The following ADAP1 variants were observed in gnomAD, a reference collection of about 807,000 sequenced individuals.
ADAP1 encodes arf-GAP with dual PH domain-containing protein 1.
Under a neutral mutation model 54.9 loss-of-function variants are expected in ADAP1, and 31 were observed. That is an observed-to-expected ratio of 0.56 (90% CI 0.42 to 0.76). The LOEUF is 0.76. ADAP1 is among the 30% of genes least tolerant of loss of function. ADAP1 has a pLI of 0.00. For missense variants in ADAP1, 535 were observed against 512.4 expected (o/e 1.04, Z -0.42); for synonymous variants, 313 against 202.6 (o/e 1.55, Z -4.63).
chr7:899,253 G>C lies in ADAP1; in HGVS notation c.876C>G (p.Phe292Leu). The change falls in exon 10 of 11, where the codon TTC becomes TTG. Residue 292 changes from phenylalanine (F) to leucine (L), a missense_variant. By Grantham distance (22) the Phe-to-Leu change is conservative. Transcript: ENST00000265846. ...TGCCAATGAAGACTTCCCCTCGGGC[G>C]AAGGCGTCCTGTGGGTGGGGACCGC... Reference protein sequence around the residue: ...LMYFKDPLDAFARGEVFIGSK... With the variant: ...LMYFKDPLDALARGEVFIGSK... 1 of 1,612,730 alleles carries C rather than the reference G, an allele frequency of 6.2e-7. No homozygotes were observed. The highest frequency in any genetic ancestry group is 8.5e-7 in the Non-Finnish European group (1 of 1,179,936).
Position 945,457 on chromosome 7 carries a change from G to A in ADAP1, c.82+8939C>T, listed in dbSNP as rs1195334517. Among the ~76,000 whole-genome samples, 1 of 152,230 alleles carries A rather than the reference G, an allele frequency of 6.6e-6. No individual in the cohort carries two copies. Among genetic ancestry groups the A allele is most frequent in the Non-Finnish European group, 1.5e-5 (1 of 68,046 alleles). ...CCTGCTTCTGCCCAGGACCACTTCT[G>A]GGTTCCCAGGACTGTGGAATTTTGT... is the stretch of plus-strand genomic sequence containing the variant. On this transcript the variant is annotated intron_variant, in intron 1 of 10. Transcript: ENST00000265846. The surrounding 1 kb of genome is among the most constrained non-coding windows in gnomAD (Gnocchi z 4.2).
chr7:903,359 G>A (rs1363236703), intron 6 of ADAP1, among the ~76,000 whole-genome samples: 4 of 152,130 alleles, frequency 2.6e-5, no homozygotes. Context: ...GTTGTCAGAT[G>A]GTGCCTAAAG....
chr7:914,083 GAAC>G (rs751875033), intron 4 of ADAP1, among the ~76,000 whole-genome samples: 43 of 152,350 alleles, frequency 2.8e-4, no homozygotes, highest in Non-Finnish European at 4.9e-4. Context: ...CGCCCTGTGA[GAAC>G]AACCCGGCCA....
Position 912,348 on chromosome 7 carries a change from C to T in ADAP1, c.389-7176G>A, listed in dbSNP as rs549850348. Reference sequence around the variant, plus strand: ...TGCGGCCCGAGGCGGGGCCAGCCCGCGGTGGGAGCAGCTGTCACCAGGGTC... The same window carrying T: ...TGCGGCCCGAGGCGGGGCCAGCCCGTGGTGGGAGCAGCTGTCACCAGGGTC... On this transcript the variant is annotated intron_variant, in intron 4 of 10. Transcript: ENST00000265846. 2.6e-5 allele frequency among the ~76,000 whole-genome samples: 4 copies of T among 152,310 alleles called. No individual in the cohort carries two copies. The East Asian group carries it at 5.8e-4, about 22-fold the overall frequency.
At chr7:909,807 G>T (rs1213012341) in intron 4 of ADAP1, among the ~76,000 whole-genome samples, 1 of 152,130 alleles carries the variant, frequency 6.6e-6, no homozygotes, top group African/African-American at 2.4e-5. Context: ...ACCGCGTGCC[G>T]CGCCCTGCTG....
chr7:946,420 AG>A lies in ADAP1; in HGVS notation c.82+7975del, dbSNP rs1289608680. Among the ~76,000 whole-genome samples the A allele has an allele frequency of 1.3e-5, 2 of 151,796 alleles. No homozygotes were observed. Among genetic ancestry groups the A allele is most frequent in the East Asian group, 3.9e-4 (2 of 5,130 alleles). ...GATGGGGCCCTTTGGCCCTAGGAAC[AG>A]GCCCTCCCAGGACCCAGATCCGCTG... On this transcript the variant is annotated intron_variant, in intron 1 of 10. Coordinates refer to ENST00000265846, the MANE Select transcript of ADAP1 (RefSeq NM_006869.4). The surrounding 1 kb of genome is among the most constrained non-coding windows in gnomAD (Gnocchi z 4.3).
chr7:903,080 C>CA (rs540985899), intron 6 of ADAP1, among the ~76,000 whole-genome samples: 222 of 152,272 alleles, frequency 1.5e-3, no homozygotes, highest in Middle Eastern at 0.014. Flanking sequence ...GCGAGATCTC[C>CA]AGGCCGTGGG....
chr7:907,464 C>T (rs555478094), intron 4 of ADAP1, among the ~76,000 whole-genome samples: 2 of 152,156 alleles, frequency 1.3e-5, no homozygotes, highest in African/African-American at 4.8e-5. Flanking sequence ...CCCGTGGGAT[C>T]GTCCTGGAGC....
chr7:936,638 C>T (rs1325051137), intron 1 of ADAP1, among the ~76,000 whole-genome samples: 1 of 152,244 alleles, frequency 6.6e-6, no homozygotes, highest in Non-Finnish European at 1.5e-5. Flanking sequence ...TGGCTCCCAA[C>T]GACCCTTCAC....
chr7:899,011 G>A lies in ADAP1; in HGVS notation c.1096+22C>T, dbSNP rs200451893. The A allele has an allele frequency of 5.6e-5, 90 of 1,609,334 alleles. No individual in the cohort carries two copies. In the African/African-American group the frequency reaches 7.9e-4, roughly 14 times the overall value. ...GGGGAGCTGGGAGCCCTTCCAGGCC[G>A]CCGGCCGCCCGCCCCCCTCACCTGC... On this transcript the variant is annotated intron_variant, in intron 10 of 10. Coordinates refer to ENST00000265846, the MANE Select transcript of ADAP1 (RefSeq NM_006869.4).
rs755814997 is a variant in ADAP1, at chr7:899,151, G to A, written c.978C>T (p.Thr326=). 18 of 1,611,268 alleles carry A rather than the reference G, an allele frequency of 1.1e-5. No homozygotes were observed. The East Asian group carries it at 3.1e-4, about 28-fold the overall frequency. ...TQGHHWPHGI[T]IVTPDRKFLF... ...GAAACTTGCGGTCGGGCGTGACGAT[G>A]GTGATGCCATGTGGCCAGTGGTGGC... The change falls in exon 10 of 11, where the codon ACC becomes ACT. Residue 326 remains threonine (T), a synonymous_variant. Coordinates refer to ENST00000265846, the MANE Select transcript of ADAP1 (RefSeq NM_006869.4).
intron 4 of ADAP1, among the ~76,000 whole-genome samples, chr7:911,190 C>G (rs1374875952): frequency 1.3e-5 from 2 of 152,158 alleles, no homozygotes; most frequent in Non-Finnish European, 2.9e-5. Flanking sequence ...CTTCCCTGTT[C>G]CCAGGGGTGA....
chr7:900,616 C>G lies in ADAP1; in HGVS notation c.649G>C (p.Glu217Gln). 1 of 1,491,918 alleles carries G rather than the reference C, an allele frequency of 6.7e-7. No individual in the cohort carries two copies. The highest frequency in any genetic ancestry group is 9.0e-7 in the Non-Finnish European group (1 of 1,108,450). The allele number at this position is 1,491,918 out of a possible 1,614,324, so 92.4% of individuals were successfully genotyped here. A position where few individuals can be genotyped will look rare whatever the true frequency, so the allele number is the denominator to read the frequency against. The change falls in exon 7 of 11, where the codon GAG (glutamate) becomes CAG (glutamine). Residue 217 changes from glutamate (E) to glutamine (Q), a missense_variant and splice_region_variant. Glu to Gln is a conservative substitution (Grantham distance 29). Transcript: ENST00000265846. ...AGTGCATTGAACCAGTCCACAATCTCCTAGGGGCAAAGGTGGGCACAGGCT... is the reference window on the plus strand; with the variant it reads ...AGTGCATTGAACCAGTCCACAATCTGCTAGGGGCAAAGGTGGGCACAGGCT... Reference protein sequence around the residue: ...NIFIYHEDGKEIVDWFNALRA... With the variant: ...NIFIYHEDGKQIVDWFNALRA...
intron 2 of ADAP1, chr7:927,229 G>A (rs931800624): frequency 7.9e-6 from 10 of 1,268,762 alleles, no homozygotes; most frequent in Non-Finnish European, 1.0e-5. Flanking sequence ...GCGCCGTGAA[G>A]GAGGGGAGGT....
chr7:904,948 G>C, intron 5 of ADAP1, 112 bp downstream of exon 5: 1 of 907,454 alleles, frequency 1.1e-6, no homozygotes, highest in Non-Finnish European at 1.7e-6. Flanking sequence ...CCCATCGGGG[G>C]GGGCAGCAGG....
chr7:919,171 G>A (rs1213384527), intron 4 of ADAP1, among the ~76,000 whole-genome samples: 1 of 151,574 alleles, frequency 6.6e-6, no homozygotes, highest in Non-Finnish European at 1.5e-5. Flanking sequence ...CCTAGGGGAG[G>A]TGGAGGCCGC....
At chr7:940,608 C>T (rs1295836898) in intron 1 of ADAP1, among the ~76,000 whole-genome samples, 1 of 152,136 alleles carries the variant, frequency 6.6e-6, no homozygotes, top group East Asian at 1.9e-4. Flanking sequence ...GGTAGAAATA[C>T]AAATTAGTCC....
intron 8 of ADAP1, 74 bp downstream of exon 8, chr7:900,028 G>A (rs772983661): frequency 3.2e-6 from 5 of 1,546,192 alleles, no homozygotes; most frequent in South Asian, 1.1e-5. Flanking sequence ...AGCTGGCAAG[G>A]CTGCTGCACT....
At chr7:919,843 G>C in intron 4 of ADAP1, 125 bp downstream of exon 4, 1 of 376,786 alleles carries the variant, frequency 2.7e-6, no homozygotes, top group Admixed American at 3.9e-5. Context: ...GAGATGGGGG[G>C]AGGGAGGGAA....
Sources: allele counts gnomAD v4.1 joint callset (sites outside exome capture counted in the v4.1 genomes callset), GRCh38; gene constraint gnomAD v4.1.1; non-coding constraint Gnocchi (gnomAD v3.1); transcripts MANE v1.5; gene names NCBI Gene and HGNC (gene_info 2026-07-23, HGNC 2026-07-21).